HTR4: variants seen among roughly 807,000 people sequenced by gnomAD.
The protein encoded by HTR4 is 5-hydroxytryptamine (serotonin) receptor 4, G protein-coupled.
A neutral mutation model predicts 36.8 loss-of-function variants in HTR4; 16 were observed. The ratio of observed to expected loss-of-function variants is 0.43; its 90% CI spans 0.29 to 0.66. The LOEUF (loss-of-function observed/expected upper bound fraction) is 0.66. HTR4 is among the 30% of genes least tolerant of loss of function. The pLI is 0.13. For synonymous variants in HTR4, 189 were observed against 185.1 expected, an observed-to-expected ratio of 1.02 and a Z score of -0.17; for missense variants, 438 against 490.9, an observed-to-expected ratio of 0.89 and a Z score of 1.02.
At chr5:148,539,762 C>T (rs1404636377) in intron 4 of HTR4, among the ~76,000 whole-genome samples, 1 of 152,142 alleles carries the variant, frequency 6.6e-6, no homozygotes, top group Non-Finnish European at 1.5e-5. Context: ...AACATTTATA[C>T]ACTGTTGGAG....
intron 2 of HTR4, among the ~76,000 whole-genome samples, chr5:148,599,844 A>G (rs1018720270): frequency 1.2e-4 from 18 of 152,010 alleles, no homozygotes; most frequent in African/African-American, 4.1e-4. Flanking sequence ...TTTCCTTAGC[A>G]TTGTCTGAGA....
rs767824047 is a variant in HTR4 at position 148,654,444 on chromosome 5, G to A, written c.-430C>T. The A allele has an allele frequency of 2.5e-5, 25 of 985,408 alleles. No homozygotes were observed. The highest frequency in any genetic ancestry group is 2.9e-5 in the Non-Finnish European group (24 of 830,018). The allele number at this position is 985,408 out of a possible 1,614,324, so 61.0% of individuals were successfully genotyped here. ...CTCTGCCGGCAGGGCGCACAGGGGA[G>A]TGGGCACAGAGGCGGGCTGGAGCGA... On this transcript the variant is annotated 5_prime_UTR_variant, in exon 1 of 7. Coordinates refer to ENST00000377888, the MANE Select transcript of HTR4 (RefSeq NM_000870.7).
chr5:148,468,857 G>GATA (rs947478857), intron 5 of HTR4, among the ~76,000 whole-genome samples: 1 of 152,102 alleles, frequency 6.6e-6, no homozygotes, highest in African/African-American at 2.4e-5. Flanking sequence ...CTTTTCTCAT[G>GATA]ATAATGTGTG....
chr5:148,621,972 C>A (rs1286614424), intron 2 of HTR4, among the ~76,000 whole-genome samples: 2 of 152,170 alleles, frequency 1.3e-5, no homozygotes, highest in African/African-American at 2.4e-5. Flanking sequence ...CAGCTCTGGG[C>A]TCTTGGCTTC....
At chr5:148,594,747 C>G (rs1158461303) in intron 2 of HTR4, among the ~76,000 whole-genome samples, 2 of 152,166 alleles carry the variant, frequency 1.3e-5, no homozygotes, top group Non-Finnish European at 2.9e-5. Context: ...ATGATGTATT[C>G]AAGGTCAATT....
At chr5:148,508,499 T>C (rs924940635) in intron 6 of HTR4, among the ~76,000 whole-genome samples, 3 of 152,206 alleles carry the variant, frequency 2.0e-5, no homozygotes, top group African/African-American at 7.2e-5. Context: ...GCTGGACCTG[T>C]CGGTATTCTC....
intron 5 of HTR4, among the ~76,000 whole-genome samples, chr5:148,520,190 G>C (rs924617188): frequency 3.9e-5 from 6 of 152,108 alleles, no homozygotes; most frequent in Non-Finnish European, 8.8e-5. Flanking sequence ...ATGACCATGT[G>C]GATTGTGCTA....
chr5:148,500,789 A>G (rs1314008990), intron 6 of HTR4, among the ~76,000 whole-genome samples: 1 of 152,182 alleles, frequency 6.6e-6, no homozygotes, highest in Non-Finnish European at 1.5e-5. Flanking sequence ...TAAGTAATGC[A>G]AATTAAATGA....
At chr5:148,573,896 G>A (rs1279419179) in intron 2 of HTR4, among the ~76,000 whole-genome samples, 5 of 151,984 alleles carry the variant, frequency 3.3e-5, no homozygotes, top group African/African-American at 7.2e-5. Flanking sequence ...GGATCTACAC[G>A]AGTCTCTTAC....
At chr5:148,518,793 T>A (rs1436404402) in intron 5 of HTR4, among the ~76,000 whole-genome samples, 1 of 152,192 alleles carries the variant, frequency 6.6e-6, no homozygotes, top group Non-Finnish European at 1.5e-5. Context: ...ATTATTGCAA[T>A]TTTGTTCCAA....
intron 1 of HTR4, among the ~76,000 whole-genome samples, chr5:148,651,041 C>T (rs1289364270): frequency 6.6e-6 from 1 of 152,160 alleles, no homozygotes; most frequent in Non-Finnish European, 1.5e-5. Context: ...AGAACTTGGG[C>T]ACATTACTTT....
rs200582183 is a variant in HTR4, at chr5:148,548,659, T to C, written c.353+9A>G. On this transcript the variant is annotated intron_variant, in intron 4 of 6. Coordinates refer to ENST00000377888, the MANE Select transcript of HTR4 (RefSeq NM_000870.7). ...TGGAGCTCCGCTATGCACATTGTTCTGTCCTTACCTATCCAGAGAAATGCA... is the reference window on the plus strand; with the variant it reads ...TGGAGCTCCGCTATGCACATTGTTCCGTCCTTACCTATCCAGAGAAATGCA... 3.1e-5 allele frequency: 49 copies of C among 1,590,934 alleles called. No individual in the cohort carries two copies. Among genetic ancestry groups the C allele is most frequent in the Non-Finnish European group, 4.2e-5 (49 of 1,167,662 alleles).
intron 2 of HTR4, among the ~76,000 whole-genome samples, chr5:148,559,608 T>C (rs951144585): frequency 6.6e-6 from 1 of 152,118 alleles, no homozygotes; most frequent in East Asian, 1.9e-4. Flanking sequence ...AAATGGACAA[T>C]GGCCAGACCA....
intron 5 of HTR4, among the ~76,000 whole-genome samples, chr5:148,451,869 A>T (rs1581325405): frequency 6.6e-6 from 1 of 152,172 alleles, no homozygotes; most frequent in African/African-American, 2.4e-5. Flanking sequence ...AATTGCACTC[A>T]ATATCTTAAT....
intron 5 of HTR4, 77 bp from the exon 6 acceptor site, chr5:148,510,101 T>TGGGGAAGAGTGTGAGAAAAGAAAAA: frequency 1.2e-6 from 1 of 862,012 alleles, no homozygotes. Flanking sequence ...GTGGGAAAAA[T>TGGGGAAGAGTGTGAGAAAAGAAAAA]GGGGAAGAGT....
intron 5 of HTR4, among the ~76,000 whole-genome samples, chr5:148,464,534 A>G (rs1755372328): frequency 6.6e-6 from 1 of 152,208 alleles, no homozygotes; most frequent in African/African-American, 2.4e-5. Flanking sequence ...TGGAGATGAG[A>G]CACCACTACA....
intron 2 of HTR4, among the ~76,000 whole-genome samples, chr5:148,582,811 T>G (rs890203409): frequency 7.9e-5 from 12 of 152,164 alleles, no homozygotes; most frequent in African/African-American, 2.9e-4. Flanking sequence ...CTGAAGTTGC[T>G]TATCAGCTTA....
intron 2 of HTR4, among the ~76,000 whole-genome samples, chr5:148,582,198 T>A (rs560976165): frequency 9.2e-5 from 14 of 152,264 alleles, no homozygotes; most frequent in Admixed American, 8.5e-4. Context: ...CTATACTTTG[T>A]AGCCTGAATT....
At chr5:148,453,911 G>C (rs1395177453) in intron 5 of HTR4, among the ~76,000 whole-genome samples, 1 of 152,186 alleles carries the variant, frequency 6.6e-6, no homozygotes, top group Non-Finnish European at 1.5e-5. Context: ...GGAAGTAGCT[G>C]TAAAGGTGGT....
Sources: allele counts gnomAD v4.1 joint callset (sites outside exome capture counted in the v4.1 genomes callset), GRCh38; gene constraint gnomAD v4.1.1; transcripts MANE v1.5; gene names NCBI Gene and HGNC (gene_info 2026-07-23, HGNC 2026-07-21).